The following GRIK1 variants were observed in gnomAD, a reference collection of about 807,000 sequenced individuals.
GRIK1 encodes the protein glutamate receptor ionotropic, kainate 1.
GRIK1 carries 69 observed loss-of-function variants against 105.7 expected under a neutral mutation model. The ratio of observed to expected loss-of-function variants is 0.65; its 90% CI spans 0.54 to 0.80. The LOEUF (loss-of-function observed/expected upper bound fraction) is 0.80. Ranked by LOEUF, GRIK1 falls within the 30% of genes least tolerant of loss-of-function variation. The pLI, the probability that GRIK1 is intolerant of heterozygous loss-of-function variation, is 0.00. For missense variants in GRIK1, 1,109 were observed against 1,167.3 expected (o/e 0.95, Z 0.73); for synonymous variants, 438 against 431.3 (o/e 1.02, Z -0.19).
At chr21:29,562,664 AAAG>A (rs1206490701) in intron 14 of GRIK1, among the ~76,000 whole-genome samples, 3 of 149,568 alleles carry the variant, frequency 2.0e-5, no homozygotes, top group Admixed American at 6.6e-5. Flanking sequence ...TCAAAAAAAA[AAAG>A]AAGAAAAATC....
intron 1 of GRIK1, among the ~76,000 whole-genome samples, chr21:29,937,158 A>G (rs549329389): frequency 1.3e-5 from 2 of 152,172 alleles, no homozygotes; most frequent in African/African-American, 4.8e-5. Flanking sequence ...TTTGTATTCA[A>G]TATTGCACTT....
At chr21:29,772,504 A>G (rs909235503) in intron 1 of GRIK1, among the ~76,000 whole-genome samples, 2 of 152,204 alleles carry the variant, frequency 1.3e-5, no homozygotes, top group Non-Finnish European at 2.9e-5. Flanking sequence ...TTTAAACTAC[A>G]AAGACATAGT....
At chr21:29,873,064 A>C (rs145470979) in intron 1 of GRIK1, among the ~76,000 whole-genome samples, 50 of 152,338 alleles carry the variant, frequency 3.3e-4, no homozygotes, top group African/African-American at 1.1e-3. Flanking sequence ...TATTTACATA[A>C]ATTGAAAGTC....
At chr21:29,816,124 T>C (rs1262887586) in intron 1 of GRIK1, among the ~76,000 whole-genome samples, 2 of 151,972 alleles carry the variant, frequency 1.3e-5, no homozygotes, top group African/African-American at 4.8e-5. Context: ...CCCATTAAAA[T>C]GTGGGCAAAG....
intron 3 of GRIK1, among the ~76,000 whole-genome samples, chr21:29,677,293 A>T (rs2063287906): frequency 6.6e-6 from 1 of 152,238 alleles, no homozygotes; most frequent in Non-Finnish European, 1.5e-5. Context: ...CAAAACATAC[A>T]GATATAAAAT....
chr21:29,542,058 C>T (rs2089981428), intron 16 of GRIK1, among the ~76,000 whole-genome samples: 1 of 151,308 alleles, frequency 6.6e-6, no homozygotes, highest in African/African-American at 2.4e-5. Context: ...TGTGTGTGAC[C>T]TTTCCTTTAG....
chr21:29,543,052 G>A (rs958135186), intron 16 of GRIK1, among the ~76,000 whole-genome samples: 4 of 152,162 alleles, frequency 2.6e-5, no homozygotes, highest in Admixed American at 2.6e-4. Flanking sequence ...GACAATTTCA[G>A]TAAAATGTAG....
chr21:29,694,499 C>T (rs987494786), intron 1 of GRIK1, among the ~76,000 whole-genome samples: 3 of 152,014 alleles, frequency 2.0e-5, no homozygotes, highest in African/African-American at 7.2e-5. Context: ...ATCCTAAATC[C>T]CGGGCTAAAA....
intron 1 of GRIK1, chr21:29,748,794 G>A (rs1041650245): frequency 2.0e-5 from 3 of 152,164 alleles, no homozygotes; most frequent in Admixed American, 2.0e-4. Context: ...AGCAAAGAAC[G>A]ATCAACAAAT....
intron 1 of GRIK1, among the ~76,000 whole-genome samples, chr21:29,823,668 T>C (rs776873286): frequency 2.0e-5 from 3 of 151,988 alleles, no homozygotes; most frequent in Non-Finnish European, 4.4e-5. Flanking sequence ...GATCTGAATA[T>C]ATTCCAACCA....
At chr21:29,713,977 G>A (rs997328549) in intron 1 of GRIK1, among the ~76,000 whole-genome samples, 97 of 152,088 alleles carry the variant, frequency 6.4e-4, no homozygotes, top group African/African-American at 2.3e-3. Flanking sequence ...ATACTGCATA[G>A]CATATATGAG....
chr21:29,830,313 ACACACACAC>A lies in GRIK1; in HGVS notation c.118+109061_118+109069del, dbSNP rs1569139519. On this transcript the variant is annotated intron_variant, in intron 1 of 17. Transcript: ENST00000327783. Reference sequence around the variant, plus strand: ...TACACACCCACCCACCTCCCCACACACACACACACACACACACACACACACACACACACA... The same window carrying A: ...TACACACCCACCCACCTCCCCACACAACACACACACACACACACACACACA... Among the ~76,000 whole-genome samples, 464 of 114,690 alleles carry A rather than the reference ACACACACAC, an allele frequency of 4.0e-3. 10 individuals are homozygous for A. Among genetic ancestry groups the A allele is most frequent in the African/African-American group, 0.012 (440 of 35,884 alleles). The allele number at this position is 114,690 out of a possible 152,430, so 75.2% of individuals were successfully genotyped here.
intron 1 of GRIK1, among the ~76,000 whole-genome samples, chr21:29,784,872 G>A (rs1026519834): frequency 6.6e-6 from 1 of 152,186 alleles, no homozygotes; most frequent in Non-Finnish European, 1.5e-5. Context: ...ATAAATCAGG[G>A]AGTTGCCCAA....
intron 16 of GRIK1, chr21:29,553,545 TTTA>T: frequency 6.5e-7 from 1 of 1,542,938 alleles, no homozygotes; most frequent in Non-Finnish European, 8.7e-7. Flanking sequence ...TTTTTTTTTT[TTTA>T]AACTGATTAC....
At chr21:29,699,930 T>G (rs1226986525) in intron 1 of GRIK1, among the ~76,000 whole-genome samples, 1 of 152,234 alleles carries the variant, frequency 6.6e-6, no homozygotes, top group African/African-American at 2.4e-5. Context: ...ATTACAGGCG[T>G]GAGCCACCGT....
At chr21:29,817,017 T>C (rs1266440814) in intron 1 of GRIK1, among the ~76,000 whole-genome samples, 1 of 152,144 alleles carries the variant, frequency 6.6e-6, no homozygotes, top group Non-Finnish European at 1.5e-5. Context: ...ACGTATTGCA[T>C]GCATGCATCA....
rs550254163 is a variant in GRIK1 at position 29,846,587 on chromosome 21, T to C, written c.118+92796A>G. Among the ~76,000 whole-genome samples the C allele has an allele frequency of 8.5e-5, 13 of 152,286 alleles. No homozygotes were observed. The East Asian group carries it at 2.5e-3, about 29-fold the overall frequency. On this transcript the variant is annotated intron_variant, in intron 1 of 17. Coordinates refer to ENST00000327783, the MANE Select transcript of GRIK1 (RefSeq NM_001330994.2). The stretch of plus-strand genomic sequence containing the variant: ...CTGAGATGCACTAAGGACATCCATA[T>C]TGTTTTTCTGTGATTTATCTTATAT...
intron 3 of GRIK1, among the ~76,000 whole-genome samples, chr21:29,683,936 C>G (rs1322117580): frequency 6.6e-6 from 1 of 152,174 alleles, no homozygotes; most frequent in Non-Finnish European, 1.5e-5. Context: ...ATGCTCTCCC[C>G]CAGGTATCTA....
At chr21:29,705,697 C>T (rs1302746429) in intron 1 of GRIK1, among the ~76,000 whole-genome samples, 1 of 152,048 alleles carries the variant, frequency 6.6e-6, no homozygotes, top group Non-Finnish European at 1.5e-5. Flanking sequence ...CAAATCTTAC[C>T]TCATCTTTTC....
Sources: gnomAD v4.1 joint callset for allele counts (sites outside exome capture counted in the v4.1 genomes callset) on GRCh38, gnomAD v4.1.1 for gene constraint, MANE v1.5 for transcripts, NCBI Gene and HGNC (gene_info 2026-07-23, HGNC 2026-07-21) for gene names.